Variants in SRSF4 observed in about 807,000 individuals in gnomAD.
SRSF4 encodes the protein serine and arginine rich splicing factor 4.
A neutral mutation model predicts 48.8 loss-of-function variants in SRSF4; 12 were observed. The ratio of observed to expected loss-of-function variants is 0.25; its 90% CI spans 0.16 to 0.40. SRSF4 has a LOEUF of 0.40. Among genes scored for constraint, SRSF4 ranks in the 10% least tolerant of loss-of-function variants. SRSF4 has a pLI of 1.00. For missense variants in SRSF4, 466 were observed against 667.1 expected, an observed-to-expected ratio of 0.70 and a Z score of 3.32; for synonymous variants, 248 against 232.5, an observed-to-expected ratio of 1.07 and a Z score of -0.61.
Position 29,148,790 on chromosome 1 carries a change from G to A in SRSF4, c.1105C>T (p.Arg369Cys), listed in dbSNP as rs572917224. 8.9e-5 allele frequency: 143 copies of A among 1,612,012 alleles called. No individual in the cohort carries two copies. The highest frequency in any genetic ancestry group is 6.4e-4 in the South Asian group (58 of 90,990). Residue 369 changes from arginine (R) to cysteine (C), a missense_variant, in exon 6 of 6, where the codon CGC (arginine) becomes TGC (cysteine). This residue lies in a region of SRSF4 where 402 missense variants were observed against 437.0 expected (regional missense o/e 0.92). Coordinates refer to ENST00000373795, the MANE Select transcript of SRSF4 (RefSeq NM_005626.5). ...CTCCTCTCACTCTTGCTGCGGCTGC[G>A]ACTGCGACTGCGGCTCTCCTCTCTG... ...RSREESRSRS[R>C]SRSKSERSRK...
At chr1:29,162,736 G>A (rs562474756) in intron 1 of SRSF4, among the ~76,000 whole-genome samples, 11 of 152,190 alleles carry the variant, frequency 7.2e-5, no homozygotes, top group East Asian at 1.9e-4. Flanking sequence ...CTGATCTAAC[G>A]TGATCTTAGA....
chr1:29,165,190 G>A (rs1015172088), intron 1 of SRSF4, among the ~76,000 whole-genome samples: 3 of 152,210 alleles, frequency 2.0e-5, no homozygotes, highest in East Asian at 1.9e-4. Context: ...AAAAAAGGCA[G>A]GCACCATGAG....
intron 1 of SRSF4, chr1:29,171,447 T>C (rs925220270): frequency 6.7e-6 from 1 of 148,740 alleles, no homozygotes; most frequent in Non-Finnish European, 1.5e-5. Flanking sequence ...ATTTCCGGAG[T>C]TGTCAATAAC....
At chr1:29,149,689 A>C (rs202007258) in intron 5 of SRSF4, among the ~76,000 whole-genome samples, 2 of 81,150 alleles carry the variant, frequency 2.5e-5, no homozygotes, top group South Asian at 1.1e-3. Context: ...TTGAGGGGGG[A>C]AAAAAAAAAA....
intron 3 of SRSF4, among the ~76,000 whole-genome samples, chr1:29,156,994 C>T (rs1448847363): frequency 6.6e-6 from 1 of 152,230 alleles, no homozygotes; most frequent in African/African-American, 2.4e-5. Flanking sequence ...ACGTAATCTA[C>T]AGCAGTGGCA....
intron 4 of SRSF4, among the ~76,000 whole-genome samples, chr1:29,152,998 T>A (rs1672437352): frequency 2.0e-5 from 3 of 152,176 alleles, no homozygotes; most frequent in Admixed American, 6.5e-5. Flanking sequence ...AGGGCTCAGT[T>A]CTACAGCATG....
intron 2 of SRSF4, 176 bp downstream of exon 2, chr1:29,160,199 T>A: frequency 2.9e-6 from 2 of 680,876 alleles, no homozygotes; most frequent in Non-Finnish European, 4.5e-6. Flanking sequence ...TTAGTTTAAT[T>A]AAAATTAAAC....
At chr1:29,170,551 T>C (rs1457390936) in intron 1 of SRSF4, 1 of 152,230 alleles carries the variant, frequency 6.6e-6, no homozygotes, top group Non-Finnish European at 1.5e-5. Context: ...GGCTGGAGTC[T>C]GTTTCTTCAT....
chr1:29,176,434 C>T (rs1038012326), intron 1 of SRSF4, among the ~76,000 whole-genome samples: 4 of 148,568 alleles, frequency 2.7e-5, no homozygotes, highest in African/African-American at 5.0e-5. Context: ...AATACGGTAA[C>T]GATGAATGAC....
intron 3 of SRSF4, among the ~76,000 whole-genome samples, 171 bp downstream of exon 3, chr1:29,159,203 T>C (rs1366832845): frequency 6.6e-6 from 1 of 152,174 alleles, no homozygotes; most frequent in Admixed American, 6.5e-5. Flanking sequence ...AGCAGGAATA[T>C]AATTCTGATA....
chr1:29,151,501 A>G (rs1200639576), intron 4 of SRSF4, among the ~76,000 whole-genome samples: 1 of 152,172 alleles, frequency 6.6e-6, no homozygotes, highest in Non-Finnish European at 1.5e-5. Context: ...CGTCTCAAAC[A>G]AACAAAAAAA....
chr1:29,162,679 C>T (rs1019153396), intron 1 of SRSF4, among the ~76,000 whole-genome samples: 7 of 152,294 alleles, frequency 4.6e-5, no homozygotes, highest in African/African-American at 1.4e-4. Flanking sequence ...CCACTCCCTT[C>T]GAGTCATACT....
chr1:29,159,554 A>C lies in SRSF4; in HGVS notation c.251-68T>G, dbSNP rs188400363. ...AAGGAAAAAAAATGACACAGCACACACCCCCCCTTAAATATATTATTTACC... is the reference window on the plus strand; with the variant it reads ...AAGGAAAAAAAATGACACAGCACACCCCCCCCCTTAAATATATTATTTACC... On this transcript the variant is annotated intron_variant, in intron 2 of 5. Transcript: ENST00000373795. 8.0e-6 allele frequency: 8 copies of C among 1,000,088 alleles called. No individual in the cohort carries two copies. The Admixed American group carries it at 1.1e-4, about 14-fold the overall frequency. 62.0% of individuals were successfully genotyped at this position (1,000,088 alleles called of 1,614,324 possible). A position where few individuals can be genotyped will look rare whatever the true frequency, so the allele number is the denominator to read the frequency against.
chr1:29,179,126 T>C (rs1290029246), intron 1 of SRSF4, among the ~76,000 whole-genome samples: 2 of 152,226 alleles, frequency 1.3e-5, no homozygotes, highest in African/African-American at 4.8e-5. Flanking sequence ...TGCTCACTTC[T>C]TCCTTCCAGA....
intron 2 of SRSF4, 107 bp from the exon 3 acceptor site, chr1:29,159,593 A>C: frequency 1.8e-5 from 11 of 625,516 alleles, no homozygotes; most frequent in South Asian, 2.2e-5. Context: ...ACCCCAAACA[A>C]TAGCACGTTT....
At chr1:29,162,353 T>C (rs1453193778) in intron 1 of SRSF4, among the ~76,000 whole-genome samples, 3 of 152,260 alleles carry the variant, frequency 2.0e-5, no homozygotes, top group African/African-American at 7.2e-5. Flanking sequence ...ACTAAAAATC[T>C]ATTAATAGAT....
chr1:29,155,897 A>G (rs1014480188), intron 3 of SRSF4, among the ~76,000 whole-genome samples: 1 of 152,176 alleles, frequency 6.6e-6, no homozygotes, highest in Non-Finnish European at 1.5e-5. Flanking sequence ...CCTATGGTTC[A>G]ATGAGAGAAT....
chr1:29,149,328 A>G (rs1487576108), intron 5 of SRSF4, 102 bp from the exon 6 acceptor site: 21 of 1,350,562 alleles, frequency 1.6e-5, no homozygotes, highest in Non-Finnish European at 1.6e-5. Context: ...CCCCCAATAT[A>G]AAGCATGGCT....
intron 1 of SRSF4, among the ~76,000 whole-genome samples, chr1:29,168,183 T>A (rs1672695620): frequency 7.8e-6 from 1 of 127,444 alleles, no homozygotes; most frequent in Non-Finnish European, 1.7e-5. Flanking sequence ...CCCGGCAAAT[T>A]TTTTGTAATT....
Sources: gnomAD v4.1 joint callset for allele counts (sites outside exome capture counted in the v4.1 genomes callset) on GRCh38, gnomAD v4.1.1 for gene constraint, gnomAD v4.1.1 regional missense constraint, MANE v1.5 for transcripts, NCBI Gene and HGNC (gene_info 2026-07-23, HGNC 2026-07-21) for gene names.